The following DLG2 variants were observed in gnomAD, a reference collection of about 807,000 sequenced individuals.
The protein encoded by DLG2 is disks large homolog 2.
Under a neutral mutation model 132.5 loss-of-function variants are expected in DLG2, and 45 were observed. The observed-to-expected ratio is 0.34, with a 90% CI of 0.27 to 0.44. The LOEUF (loss-of-function observed/expected upper bound fraction) is 0.44, where lower values mean the gene tolerates loss of function less well. DLG2 is among the 20% of genes least tolerant of loss of function. The probability of loss-of-function intolerance (pLI) is 1.00; values close to 1 mark genes in which losing one functional copy is unlikely to be tolerated. For synonymous variants in DLG2, 424 were observed against 419.6 expected, an observed-to-expected ratio of 1.01 and a Z score of -0.13; for missense variants, 1,045 against 1,196.9, an observed-to-expected ratio of 0.87 and a Z score of 1.87.
At chr11:84,347,592 G>A (rs2098544756) in intron 7 of DLG2, among the ~76,000 whole-genome samples, 1 of 152,154 alleles carries the variant, frequency 6.6e-6, no homozygotes, top group Non-Finnish European at 1.5e-5. Flanking sequence ...TCTGTGACAT[G>A]GAGGAAAAAT....
intron 7 of DLG2, among the ~76,000 whole-genome samples, chr11:84,265,270 C>A (rs1157255355): frequency 6.8e-6 from 1 of 146,316 alleles, no homozygotes. Flanking sequence ...GTAATAACAA[C>A]CTTTACCAGG....
intron 3 of DLG2, among the ~76,000 whole-genome samples, chr11:85,484,670 T>A (rs1302851521): frequency 1.3e-5 from 2 of 152,044 alleles, no homozygotes; most frequent in Admixed American, 6.6e-5. Context: ...TCACGCCAGT[T>A]AGAATGGCTA....
intron 20 of DLG2, among the ~76,000 whole-genome samples, chr11:83,533,378 G>A (rs2095805410): frequency 6.6e-6 from 1 of 152,114 alleles, no homozygotes; most frequent in Admixed American, 6.5e-5. Flanking sequence ...GGAGCTGGGG[G>A]ACAAAGAAAA....
chr11:83,616,868 T>A (rs1449934561), intron 19 of DLG2, among the ~76,000 whole-genome samples: 1 of 152,180 alleles, frequency 6.6e-6, no homozygotes, highest in African/African-American at 2.4e-5. Flanking sequence ...AAGTTGGATA[T>A]CCAATTGATG....
intron 6 of DLG2, among the ~76,000 whole-genome samples, chr11:84,791,011 A>G (rs1331995177): frequency 1.3e-5 from 2 of 152,172 alleles, no homozygotes; most frequent in African/African-American, 4.8e-5. Context: ...AGTGACTCAC[A>G]GTTCCGCATG....
At chr11:84,901,602 T>C (rs1476168772) in intron 6 of DLG2, among the ~76,000 whole-genome samples, 1 of 152,104 alleles carries the variant, frequency 6.6e-6, no homozygotes, top group Non-Finnish European at 1.5e-5. Context: ...ATCAAACTTC[T>C]TTCAGAATAA....
intron 6 of DLG2, among the ~76,000 whole-genome samples, chr11:84,667,502 T>TG (rs1325432444): frequency 5.1e-5 from 6 of 116,578 alleles, no homozygotes; most frequent in East Asian, 4.1e-4. Context: ...TTTTTTGTTT[T>TG]TTTTTTTTTT....
At chr11:83,850,844 ACT>A (rs1376038626) in intron 16 of DLG2, among the ~76,000 whole-genome samples, 2 of 152,106 alleles carry the variant, frequency 1.3e-5, no homozygotes, top group Non-Finnish European at 2.9e-5. Flanking sequence ...AAAAGTTTAC[ACT>A]CTGCATTATG....
intron 3 of DLG2, among the ~76,000 whole-genome samples, chr11:85,494,631 T>C (rs1443269635): frequency 6.6e-6 from 1 of 151,564 alleles, no homozygotes; most frequent in African/African-American, 2.4e-5. Context: ...TCTTGGAAAA[T>C]GCCTTCCCTG....
intron 18 of DLG2, among the ~76,000 whole-genome samples, chr11:83,736,521 T>C (rs2091918575): frequency 6.6e-6 from 1 of 152,184 alleles, no homozygotes; most frequent in African/African-American, 2.4e-5. Context: ...TTGACTGACA[T>C]TTGGCTTTAT....
chr11:85,548,453 G>T (rs151171831), intron 3 of DLG2, among the ~76,000 whole-genome samples: 34 of 152,188 alleles, frequency 2.2e-4, no homozygotes, highest in Non-Finnish European at 4.6e-4. Context: ...CTCCCAGTCA[G>T]GATACACGGG....
At chr11:84,949,159 A>T (rs2050604560) in intron 6 of DLG2, among the ~76,000 whole-genome samples, 2 of 152,136 alleles carry the variant, frequency 1.3e-5, no homozygotes, top group Non-Finnish European at 2.9e-5. Context: ...GACATCACAC[A>T]TTGGTAGGAT....
At chr11:84,488,182 A>G (rs569365738) in intron 7 of DLG2, among the ~76,000 whole-genome samples, 4 of 152,166 alleles carry the variant, frequency 2.6e-5, no homozygotes, top group Non-Finnish European at 4.4e-5. Context: ...AGTTTTTAGA[A>G]TTAGAAAACA....
intron 3 of DLG2, among the ~76,000 whole-genome samples, chr11:85,454,845 G>T (rs1028921795): frequency 6.6e-6 from 1 of 152,048 alleles, no homozygotes; most frequent in Non-Finnish European, 1.5e-5. Flanking sequence ...AGTTTTAGGT[G>T]TGCAGTTTTA....
At chr11:85,390,429 G>A (rs2086701633) in intron 3 of DLG2, among the ~76,000 whole-genome samples, 1 of 152,076 alleles carries the variant, frequency 6.6e-6, no homozygotes, top group Non-Finnish European at 1.5e-5. Context: ...TCCACTGGCA[G>A]CACAAGACAG....
chr11:84,419,651 A>G (rs1374152200), intron 7 of DLG2, among the ~76,000 whole-genome samples: 2 of 152,168 alleles, frequency 1.3e-5, no homozygotes, highest in Non-Finnish European at 2.9e-5. Context: ...ATCCCTCTAT[A>G]AGATCCCCAC....
chr11:84,601,803 A>T (rs2099577107), intron 6 of DLG2, among the ~76,000 whole-genome samples: 1 of 152,100 alleles, frequency 6.6e-6, no homozygotes, highest in East Asian at 1.9e-4. Context: ...TATAGATAGA[A>T]TATTGGGAGA....
At chr11:83,814,924 GCA>G (rs1182302973) in intron 17 of DLG2, 1 of 199,556 alleles carries the variant, frequency 5.0e-6, no homozygotes, top group Non-Finnish European at 1.1e-5. Context: ...CCAAGCACTT[GCA>G]CAGTCAAGAA....
chr11:85,225,881 T>A (rs1349128067), intron 4 of DLG2, among the ~76,000 whole-genome samples: 1 of 152,154 alleles, frequency 6.6e-6, no homozygotes, highest in East Asian at 1.9e-4. Context: ...CTGAATGTCA[T>A]ACAGATACTT....
Sources: allele counts gnomAD v4.1 joint callset (sites outside exome capture counted in the v4.1 genomes callset), GRCh38; gene constraint gnomAD v4.1.1; transcripts MANE v1.5; gene names NCBI Gene and HGNC (gene_info 2026-07-23, HGNC 2026-07-21).